Variants in IRF9 observed in about 807,000 individuals in gnomAD.
IRF9 encodes the protein IFN-alpha-responsive transcription factor subunit.
IRF9 carries 13 observed loss-of-function variants against 44.1 expected under a neutral mutation model. That is an observed-to-expected ratio of 0.29 (90% CI 0.19 to 0.47). The LOEUF (loss-of-function observed/expected upper bound fraction) is 0.47, where lower values mean the gene tolerates loss of function less well. Ranked by LOEUF, IRF9 falls within the 20% of genes least tolerant of loss-of-function variation. The probability of loss-of-function intolerance (pLI) is 1.00; values close to 1 mark genes in which losing one functional copy is unlikely to be tolerated. For missense variants in IRF9, 373 were observed against 496.1 expected (o/e 0.75, Z 2.36); for synonymous variants, 189 against 188.5 (o/e 1.00, Z -0.02).
At position 24,166,128 on chromosome 14, in the gene IRF9, C is replaced by G; in HGVS notation, c.1114C>G (p.Gln372Glu). The stretch of plus-strand genomic sequence containing the variant: ...TCCATCTCTTCCAATACAGATGGAG[C>G]AGGCCTTTGCCCGATACTTGCTGGA... ...PQNLITVKME[Q>E]AFARYLLEQT... is the part of the protein sequence containing the mutation. Residue 372 changes from glutamine (Q) to glutamate (E), a missense_variant, in exon 9 of 9, where the codon CAG becomes GAG. By Grantham distance (29) the Gln-to-Glu change is conservative. Around this residue, in one of 2 missense-constraint regions of IRF9, gnomAD observed 146 missense variants for 240.8 expected, o/e 0.61. Transcript: ENST00000396864. 1 of 1,613,880 alleles carries G rather than the reference C, an allele frequency of 6.2e-7. No individual in the cohort carries two copies. The highest frequency in any genetic ancestry group is 8.5e-7 in the Non-Finnish European group (1 of 1,179,934).
At chr14:24,165,557 G>A (rs1259685285) in intron 7 of IRF9, 1 of 532,522 alleles carries the variant, frequency 1.9e-6, no homozygotes, top group Non-Finnish European at 3.4e-6. Flanking sequence ...GCACATCTGA[G>A]TTAGCAGCCA....
intron 2 of IRF9, chr14:24,162,669 G>A (rs2038474923): frequency 6.8e-6 from 3 of 441,466 alleles, no homozygotes; most frequent in South Asian, 2.7e-5. Flanking sequence ...GCCTAGCGGT[G>A]CATGCCTGTA....
rs1437356794 is a variant in IRF9 at position 24,165,666 on chromosome 14, C to T, written c.992-181C>T. On this transcript the variant is annotated intron_variant, in intron 7 of 8. Transcript: ENST00000396864. ...TAAGCACTTATATGAGGCAGGGGCACCCTTTCCTATTTGCACATGGGTGAG... is the reference window on the plus strand; with the variant it reads ...TAAGCACTTATATGAGGCAGGGGCATCCTTTCCTATTTGCACATGGGTGAG... 5 of 590,664 alleles carry T rather than the reference C, an allele frequency of 8.5e-6. No homozygotes were observed. The African/African-American group carries it at 9.3e-5, about 11-fold the overall frequency. The allele number at this position is 590,664 out of a possible 1,614,324, so 36.6% of individuals were successfully genotyped here.
chr14:24,162,257 T>C lies in IRF9; in HGVS notation c.113T>C (p.Phe38Ser). ...VCWDDTAKTM[F>S]RIPWKHAGKQ... is the part of the protein sequence containing the mutation. ...TGGGATGATACAGCTAAGACCATGT[T>C]CCGGATTCCCTGGAAACATGCAGGC... The change falls in exon 2 of 9, where the codon TTC (phenylalanine) becomes TCC (serine). Residue 38 changes from phenylalanine to serine, a missense_variant. By Grantham distance (155) the Phe-to-Ser change is radical. Coordinates refer to ENST00000396864, the MANE Select transcript of IRF9 (RefSeq NM_006084.5). 6.2e-7 allele frequency: 1 copy of C among 1,614,146 alleles called. No homozygotes were observed. Among genetic ancestry groups the C allele is most frequent in the Non-Finnish European group, 8.5e-7 (1 of 1,180,036 alleles).
chr14:24,165,289 C>T, intron 7 of IRF9: 3 of 679,844 alleles, frequency 4.4e-6, no homozygotes, highest in Non-Finnish European at 8.1e-6. Context: ...GATTTTGAGC[C>T]TCATGGCCTT....
In IRF9 at chr14:24,163,889, G is replaced by A; in HGVS notation, c.507G>A (p.Gly169=). The A allele has an allele frequency of 1.3e-6, 2 of 1,592,948 alleles. No homozygotes were observed. Among genetic ancestry groups the A allele is most frequent in the Non-Finnish European group, 1.7e-6 (2 of 1,174,960 alleles). ...CACTGTGTCCGCAGGAGGAGGAGGG[G>A]GCCAGTGGGGGAGCAGTCCATTCAG... ...LQDSLNNEEE[G]ASGGAVHSDI... The change falls in exon 5 of 9, where the codon GGG becomes GGA. Residue 169 remains glycine (G), a synonymous_variant. Transcript: ENST00000396864.
rs116114516 is a variant in IRF9, at chr14:24,161,973, G to A, written c.-1-171G>A. On this transcript the variant is annotated intron_variant, in intron 1 of 8. Coordinates refer to ENST00000396864, the MANE Select transcript of IRF9 (RefSeq NM_006084.5). ...TTGTTTGTCACTGCTAGTGATGGCA[G>A]AAAGGAAACAATTCTGTCCCATAGA... Among the ~76,000 whole-genome samples the A allele has an allele frequency of 3.8e-3, 574 of 152,306 alleles. 1 individual carries two copies. The highest frequency in any genetic ancestry group is 0.011 in the South Asian group (54 of 4,832).
At chr14:24,162,456 T>A in intron 2 of IRF9, 132 bp downstream of exon 2, 1 of 896,070 alleles carries the variant, frequency 1.1e-6, no homozygotes, top group Non-Finnish European at 1.7e-6. Flanking sequence ...ACTAGCTGCA[T>A]CATTTGCAGA....
intron 2 of IRF9, chr14:24,162,540 G>A (rs943098619): frequency 1.7e-5 from 9 of 529,766 alleles, no homozygotes; most frequent in East Asian, 7.0e-5. Flanking sequence ...GGTGGCTCAC[G>A]CCTGTAATCC....
intron 2 of IRF9, 171 bp from the exon 3 acceptor site, chr14:24,162,793 GTC>G: frequency 1.7e-6 from 1 of 572,410 alleles, no homozygotes; most frequent in Admixed American, 3.2e-5. Context: ...GTGAGACTCT[GTC>G]TCAAAAAAAA....
At chr14:24,162,399 A>G (rs1425003262) in intron 2 of IRF9, 75 bp downstream of exon 2, 7 of 1,420,774 alleles carry the variant, frequency 4.9e-6, no homozygotes, top group Non-Finnish European at 6.7e-6. Flanking sequence ...ATCCTCGAGC[A>G]CTTGCGTCTG....
intron 7 of IRF9, chr14:24,165,479 G>C: frequency 3.7e-6 from 2 of 544,266 alleles, no homozygotes; most frequent in Non-Finnish European, 6.6e-6. Flanking sequence ...GGGGTGCAGA[G>C]TGTGGGTGTT....
In IRF9 at chr14:24,161,726, G is replaced by C. The variant is rs377115901; in HGVS notation, c.-2+388G>C. 2.6e-5 allele frequency among the ~76,000 whole-genome samples: 4 copies of C among 152,166 alleles called. No individual in the cohort carries two copies. The East Asian group carries it at 5.8e-4, about 22-fold the overall frequency. On this transcript the variant is annotated intron_variant, in intron 1 of 8. Transcript: ENST00000396864. ...GGCTAGGTTGTGTAGGCTGTGGGGC[G>C]GTGGGTGAAGAGCCTGATGGATCTC...
At chr14:24,162,714 C>T in intron 2 of IRF9, 2 of 472,132 alleles carry the variant, frequency 4.2e-6, no homozygotes, top group Non-Finnish European at 7.5e-6. Context: ...GCAGGAGAAT[C>T]GCTTGAACCA....
In IRF9 at chr14:24,161,296, C is replaced by T. The variant is rs1200466531; in HGVS notation, c.-44C>T. 6.6e-6 allele frequency: 1 copy of T among 152,344 alleles called. No homozygotes were observed. Among genetic ancestry groups the T allele is most frequent in the Non-Finnish European group, 1.5e-5 (1 of 68,134 alleles). 9.4% of individuals were successfully genotyped at this position (152,344 alleles called of 1,614,324 possible). A position where few individuals can be genotyped will look rare whatever the true frequency, so the allele number is the denominator to read the frequency against. On this transcript the variant is annotated 5_prime_UTR_variant, in exon 1 of 9. Coordinates refer to ENST00000396864, the MANE Select transcript of IRF9 (RefSeq NM_006084.5). ...ATCAGCCGCCCAGCCAGGAGTTAAG[C>T]TGAGGTCGTCTGAGCCCTGCGACAG... is the stretch of plus-strand genomic sequence containing the variant.
At position 24,166,525 on chromosome 14, in the gene IRF9, A is replaced by G. The variant is rs552340636; in HGVS notation, c.*329A>G. On this transcript the variant is annotated 3_prime_UTR_variant, in exon 9 of 9. Transcript: ENST00000396864. The stretch of plus-strand genomic sequence containing the variant: ...AGCACTTTATATTTTCCTCTTAGAT[A>G]TTCACTAAGGACTTAAAATAAAATT... 1.8e-5 allele frequency: 8 copies of G among 433,378 alleles called. No individual in the cohort carries two copies. In the East Asian group the frequency reaches 2.8e-4, roughly 15 times the overall value. 26.8% of individuals were successfully genotyped at this position (433,378 alleles called of 1,614,324 possible).
chr14:24,162,350 C>G, intron 2 of IRF9, 26 bp downstream of exon 2: 1 of 1,606,594 alleles, frequency 6.2e-7, no homozygotes, highest in Non-Finnish European at 8.5e-7. Context: ...AACCACTGTT[C>G]CTCTGTGTGT....
chr14:24,164,807 G>C lies in IRF9; in HGVS notation c.843G>C (p.Val281=), dbSNP rs756750336. ...GCCAGCTTGAGAGGGGCATCCTAGT[G>C]GCCAGCAACCCCCGAGGCCTCTTCG... The part of the protein sequence containing the change: ...LLSQLERGIL[V]ASNPRGLFVQ... Residue 281 remains valine, a synonymous_variant, in exon 7 of 9, where the codon GTG becomes GTC. Transcript: ENST00000396864. This position sits in a 1 kb window ranked among gnomAD's most constrained non-coding sequence, Gnocchi z 5.2. 1 of 1,609,946 alleles carries C rather than the reference G, an allele frequency of 6.2e-7. No individual in the cohort carries two copies. The highest frequency in any genetic ancestry group is 8.5e-7 in the Non-Finnish European group (1 of 1,179,952).
Position 24,166,205 on chromosome 14 carries a change from G to A in IRF9, c.*9G>A, listed in dbSNP as rs1311338916. On this transcript the variant is annotated 3_prime_UTR_variant, in exon 9 of 9. Coordinates refer to ENST00000396864, the MANE Select transcript of IRF9 (RefSeq NM_006084.5). ...TTCTGTCCCTGGTGTAGAGCCTGGG[G>A]GACCCATCTTCCACCTCACCTCTTT... 3.1e-6 allele frequency: 5 copies of A among 1,612,840 alleles called. No homozygotes were observed. Among genetic ancestry groups the A allele is most frequent in the Non-Finnish European group, 4.2e-6 (5 of 1,179,246 alleles).
Sources: gnomAD v4.1 joint callset for allele counts (sites outside exome capture counted in the v4.1 genomes callset) on GRCh38, gnomAD v4.1.1 for gene constraint, gnomAD v4.1.1 regional missense constraint, Gnocchi (gnomAD v3.1) non-coding constraint, MANE v1.5 for transcripts, NCBI Gene and HGNC (gene_info 2026-07-23, HGNC 2026-07-21) for gene names.